Variants in ATP10A observed in about 807,000 individuals in gnomAD.
The protein encoded by ATP10A is ATPase phospholipid transporting 10A (putative), also known as phospholipid-transporting ATPase VA.
In ATP10A, 111 loss-of-function variants were observed where a neutral mutation model predicts 147.8. The ratio of observed to expected loss-of-function variants is 0.75; its 90% confidence interval spans 0.64 to 0.88. The LOEUF is 0.88. Among genes scored for constraint, ATP10A ranks in the 40% least tolerant of loss-of-function variants. ATP10A has a pLI of 0.00. For synonymous variants in ATP10A, 875 were observed against 841.6 expected, an observed-to-expected ratio of 1.04 and a Z score of -0.69; for missense variants, 1,927 against 1,959.0, an observed-to-expected ratio of 0.98 and a Z score of 0.31.
intron 2 of ATP10A, among the ~76,000 whole-genome samples, chr15:25,743,592 A>G (rs972074242): frequency 6.6e-6 from 1 of 152,218 alleles, no homozygotes; most frequent in African/African-American, 2.4e-5. Context: ...CATGAGACAC[A>G]TGTTGGTGCT....
At chr15:25,800,550 G>A (rs919740604) in intron 1 of ATP10A, among the ~76,000 whole-genome samples, 1 of 152,148 alleles carries the variant, frequency 6.6e-6, no homozygotes, top group African/African-American at 2.4e-5. Flanking sequence ...CCTGCTGGGC[G>A]CTGCTGCTCC....
chr15:25,780,787 A>G (rs910818891), intron 2 of ATP10A, among the ~76,000 whole-genome samples: 1 of 152,192 alleles, frequency 6.6e-6, no homozygotes, highest in Non-Finnish European at 1.5e-5. Flanking sequence ...AAACTTAGAC[A>G]TGCACAAAAG....
chr15:25,722,579 G>C (rs4906625), intron 6 of ATP10A, among the ~76,000 whole-genome samples: 33 of 152,274 alleles, frequency 2.2e-4, no homozygotes, highest in African/African-American at 7.2e-4. Context: ...AGAATATCAC[G>C]CACAGACTAA....
Position 25,843,728 on chromosome 15 carries a change from C to T in ATP10A, c.449+18920G>A, listed in dbSNP as rs182251011. 1.8e-3 allele frequency among the ~76,000 whole-genome samples: 268 copies of T among 152,280 alleles called. 3 individuals carry two copies. Among genetic ancestry groups the T allele is most frequent in the South Asian group, 5.8e-3 (28 of 4,826 alleles). ...GGTCCCCTGTAGAAAGACAGACGCA[C>T]GGCTGCCACAGGGAAACTCCCATCT... On this transcript the variant is annotated intron_variant, in intron 1 of 20. Coordinates refer to ENST00000555815, the MANE Select transcript of ATP10A (RefSeq NM_024490.4).
At chr15:25,774,642 T>C (rs753161214) in intron 2 of ATP10A, among the ~76,000 whole-genome samples, 1 of 151,314 alleles carries the variant, frequency 6.6e-6, no homozygotes, top group African/African-American at 2.4e-5. Context: ...GGTGATTTAA[T>C]AGACTATAAA....
At chr15:25,773,760 ATGTT>A (rs1486384819) in intron 2 of ATP10A, among the ~76,000 whole-genome samples, 1 of 152,106 alleles carries the variant, frequency 6.6e-6, no homozygotes, top group Non-Finnish European at 1.5e-5. Flanking sequence ...ACTTGCAAAA[ATGTT>A]TGCACTCACA....
chr15:25,864,981 C>T (rs1044385199), upstream of ATP10A: 3 of 150,434 alleles, frequency 2.0e-5, no homozygotes, highest in East Asian at 5.8e-4. Context: ...CACACTGTTG[C>T]CAAAGTAATT....
chr15:25,781,262 T>C (rs1342968749), intron 1 of ATP10A, 39 bp from the exon 2 acceptor site: 14 of 1,563,240 alleles, frequency 9.0e-6, no homozygotes, highest in African/African-American at 1.4e-5. Context: ...TCACGAGACA[T>C]TGGTCGTGGC....
chr15:25,687,758 T>C lies in ATP10A; in HGVS notation c.3236A>G (p.His1079Arg), dbSNP rs760704155. ...YLERLLILHG[H>R]WCYSRLANMV... is the part of the protein sequence containing the mutation. The stretch of plus-strand genomic sequence containing the variant: ...GTTGGCAAGTCGGGAGTAGCACCAA[T>C]GCCCGTGAAGAATCAAGAGCCTCTC... The change falls in exon 16 of 21, where the codon CAT becomes CGT. Residue 1079 changes from histidine to arginine, a missense_variant. Physicochemically the swap from His to Arg is conservative, Grantham distance 29 (BLOSUM62 0). Coordinates refer to ENST00000555815, the MANE Select transcript of ATP10A (RefSeq NM_024490.4). 1.2e-6 allele frequency: 2 copies of C among 1,613,298 alleles called. No individual in the cohort carries two copies. The highest frequency in any genetic ancestry group is 1.7e-6 in the Non-Finnish European group (2 of 1,179,414).
intron 1 of ATP10A, among the ~76,000 whole-genome samples, chr15:25,812,076 C>G (rs534821449): frequency 6.6e-6 from 1 of 152,188 alleles, no homozygotes; most frequent in African/African-American, 2.4e-5. Context: ...ATGGAGTGAA[C>G]GTTTATAGCG....
chr15:25,720,430 C>G (rs751773702), intron 7 of ATP10A, among the ~76,000 whole-genome samples: 7 of 152,152 alleles, frequency 4.6e-5, no homozygotes, highest in Non-Finnish European at 7.3e-5. Context: ...CTATCTGAAA[C>G]TGGGTCTCGG....
At chr15:25,709,422 G>A (rs1327145647) in intron 10 of ATP10A, 4 of 152,212 alleles carry the variant, frequency 2.6e-5, no homozygotes, top group Non-Finnish European at 5.9e-5. Flanking sequence ...CTAACTGAGG[G>A]GTTTTGGAAT....
intron 1 of ATP10A, among the ~76,000 whole-genome samples, chr15:25,818,440 T>A (rs550134505): frequency 6.6e-6 from 1 of 152,206 alleles, no homozygotes; most frequent in Non-Finnish European, 1.5e-5. Flanking sequence ...ATTAATAAAA[T>A]AAACTGTAGA....
intron 1 of ATP10A, among the ~76,000 whole-genome samples, chr15:25,835,019 T>C (rs961938970): frequency 2.6e-5 from 4 of 152,158 alleles, no homozygotes; most frequent in African/African-American, 7.2e-5. Flanking sequence ...TCCCAGCACT[T>C]TGGGAGGCCG....
At chr15:25,859,037 CT>C (rs1473366804) in intron 1 of ATP10A, among the ~76,000 whole-genome samples, 1 of 152,206 alleles carries the variant, frequency 6.6e-6, no homozygotes, top group African/African-American at 2.4e-5. Context: ...GGTTTCCCCC[CT>C]CACCCCTGCT....
chr15:25,855,294 G>A (rs1231995006), intron 1 of ATP10A, among the ~76,000 whole-genome samples: 2 of 152,062 alleles, frequency 1.3e-5, no homozygotes, highest in Non-Finnish European at 2.9e-5. Context: ...GACCAAGTAA[G>A]TTTTATCCCA....
intron 1 of ATP10A, among the ~76,000 whole-genome samples, chr15:25,831,561 T>C (rs576685373): frequency 3.3e-5 from 5 of 152,332 alleles, no homozygotes; most frequent in African/African-American, 1.2e-4. Flanking sequence ...TCTTCACAGA[T>C]TCAGCTAAAT....
intron 1 of ATP10A, chr15:25,861,966 T>A: frequency 3.5e-6 from 1 of 283,876 alleles, no homozygotes; most frequent in Non-Finnish European, 6.9e-6. Context: ...CATCGCAGGG[T>A]CACCCCTGGT....
rs77473088 is a variant in ATP10A at position 25,711,558 on chromosome 15, C to T, written c.2344+2116G>A. On this transcript the variant is annotated intron_variant, in intron 10 of 20. Transcript: ENST00000555815. ...AACCTTAACCTGCCCAGTGTTGACA[C>T]GTAGATCTTCCCTATCCAAAGCTGA... is the stretch of plus-strand genomic sequence containing the variant. Among the ~76,000 whole-genome samples the T allele has an allele frequency of 7.6e-3, 1,152 of 152,240 alleles. 13 individuals carry two copies. Among genetic ancestry groups the T allele is most frequent in the African/African-American group, 0.027 (1,102 of 41,530 alleles).
Sources: gnomAD v4.1 joint callset for allele counts (sites outside exome capture counted in the v4.1 genomes callset) on GRCh38, gnomAD v4.1.1 for gene constraint, MANE v1.5 for transcripts, NCBI Gene and HGNC (gene_info 2026-07-23, HGNC 2026-07-21) for gene names.